Variants in PAX2 observed in about 807,000 individuals in gnomAD.
PAX2 encodes the protein paired box 2.
Under a neutral mutation model 41.7 loss-of-function variants are expected in PAX2, and 9 were observed. The observed-to-expected ratio is 0.22, with a 90% CI of 0.13 to 0.38. PAX2 has a LOEUF of 0.38. Among genes scored for constraint, PAX2 ranks in the 10% least tolerant of loss-of-function variants. The probability of loss-of-function intolerance (pLI) is 1.00; values close to 1 mark genes in which losing one functional copy is unlikely to be tolerated. For missense variants in PAX2, 418 were observed against 531.6 expected (o/e 0.79, Z 2.10); for synonymous variants, 221 against 212.7 (o/e 1.04, Z -0.34).
chr10:100,742,843 C>CTTTTTTTTTTTTTTTT (rs61627823), upstream of PAX2, among the ~76,000 whole-genome samples: 65 of 41,258 alleles, frequency 1.6e-3, 23 homozygotes, highest in Middle Eastern at 0.043. Flanking sequence ...TTCTTTCTTC[C>CTTTTTTTTTTTTTTTT]TTTTTTTTTT....
Position 100,754,295 on chromosome 10 carries a change from A to C in PAX2, c.410+3404A>C, listed in dbSNP as rs537797691. ...TTTGAAAGAACAGGCACAGACCCCA[A>C]ATAGAGTCTGGGGTTACTGACAATC... On this transcript the variant is annotated intron_variant, in intron 3 of 9. Coordinates refer to ENST00000355243, the MANE Select transcript of PAX2 (RefSeq NM_000278.5). Among the ~76,000 whole-genome samples the C allele has an allele frequency of 2.6e-5, 4 of 152,264 alleles. No individual in the cohort carries two copies. The South Asian group carries it at 8.3e-4, about 32-fold the overall frequency.
intron 5 of PAX2, among the ~76,000 whole-genome samples, chr10:100,799,418 T>C (rs1486422335): frequency 1.3e-5 from 2 of 152,242 alleles, no homozygotes; most frequent in East Asian, 3.8e-4. Context: ...GTATCACTTT[T>C]GCAAGCATTC....
chr10:100,790,340 T>C (rs1418882291), intron 5 of PAX2, among the ~76,000 whole-genome samples: 2 of 152,164 alleles, frequency 1.3e-5, no homozygotes, highest in African/African-American at 4.8e-5. Flanking sequence ...CTGGTACTCC[T>C]GCCCAGCTCC....
intron 5 of PAX2, among the ~76,000 whole-genome samples, chr10:100,787,785 GTGT>G (rs753224046): frequency 3.3e-5 from 5 of 152,118 alleles, no homozygotes; most frequent in Non-Finnish European, 7.4e-5. Context: ...GCAAAGTGAG[GTGT>G]TGTTTGAGAA....
intron 7 of PAX2, among the ~76,000 whole-genome samples, chr10:100,813,872 G>A (rs1051713376): frequency 1.7e-4 from 26 of 151,992 alleles, no homozygotes; most frequent in African/African-American, 5.8e-4. Context: ...ACAGGGGGAA[G>A]AAAAAACCCC....
intron 1 of PAX2, chr10:100,749,181 C>T: frequency 1.0e-6 from 1 of 986,362 alleles, no homozygotes. Flanking sequence ...CAATTTAATA[C>T]TTTTTAAAGA....
chr10:100,804,385 T>A (rs1188264673), intron 5 of PAX2, among the ~76,000 whole-genome samples: 1 of 151,786 alleles, frequency 6.6e-6, no homozygotes, highest in Non-Finnish European at 1.5e-5. Context: ...TGCACACACA[T>A]AATGTGTGAA....
At position 100,809,162 on chromosome 10, in the gene PAX2, C is replaced by T. The variant is rs757989097; in HGVS notation, c.845C>T (p.Ser282Leu). 103 of 1,612,914 alleles carry T rather than the reference C, an allele frequency of 6.4e-5. 1 individual carries two copies. In the East Asian group the frequency reaches 1.1e-3, roughly 17 times the overall value. Residue 282 changes from serine to leucine, a missense_variant, in exon 7 of 10, where the codon TCG (serine) becomes TTG (leucine). Physicochemically the swap from Ser to Leu is moderately radical, Grantham distance 145 (BLOSUM62 -2). This residue lies in a region of PAX2 where 310 missense variants were observed against 325.2 expected (regional missense o/e 0.95). Transcript: ENST00000355243. ...ALTPGLDEVK[S>L]SLSASTNPEL... The stretch of plus-strand genomic sequence containing the variant: ...ACCCCTGGGCTTGATGAAGTCAAGT[C>T]GAGTCTATCTGCATCCACCAACCCT...
chr10:100,747,280 G>A (rs1388801160), intron 1 of PAX2: 1 of 152,078 alleles, frequency 6.6e-6, no homozygotes, highest in African/African-American at 2.4e-5. Context: ...CAAAAGGAAA[G>A]CAAATGCCAA....
intron 1 of PAX2, among the ~76,000 whole-genome samples, chr10:100,737,815 C>G (rs563106568): frequency 6.6e-6 from 1 of 152,226 alleles, no homozygotes; most frequent in Non-Finnish European, 1.5e-5. Context: ...GACAGAGGCG[C>G]GTGACCGAAC....
chr10:100,741,390 A>G (rs1459346070), upstream of PAX2, among the ~76,000 whole-genome samples: 5 of 124,796 alleles, frequency 4.0e-5, no homozygotes, highest in Admixed American at 9.3e-5. Context: ...GGTGCTCCAT[A>G]TTGTACCAGA....
At chr10:100,763,050 TG>T (rs1380063630) in intron 3 of PAX2, among the ~76,000 whole-genome samples, 63 of 152,234 alleles carry the variant, frequency 4.1e-4, no homozygotes, top group Admixed American at 3.9e-3. Flanking sequence ...CACCTTCTAA[TG>T]GATCTCCAAG....
chr10:100,786,991 ATCTGGTCTGGACTTT>A (rs1846895090), intron 5 of PAX2: 1 of 1,389,640 alleles, frequency 7.2e-7, no homozygotes, highest in African/African-American at 1.5e-5. Flanking sequence ...GGAGGTTTGC[ATCTGGTCTGGACTTT>A]AAGAGGTATG....
chr10:100,772,683 CA>C (rs1285460859), intron 3 of PAX2, among the ~76,000 whole-genome samples: 3 of 152,206 alleles, frequency 2.0e-5, no homozygotes, highest in Admixed American at 1.3e-4. Context: ...CAGTTTACTC[CA>C]GGACAATTTA....
chr10:100,740,114 T>A (rs1163954012), intron 1 of PAX2, among the ~76,000 whole-genome samples: 1 of 152,192 alleles, frequency 6.6e-6, no homozygotes, highest in Admixed American at 6.5e-5. Flanking sequence ...TAACTGCAGG[T>A]CCTGGGAGAA....
intron 7 of PAX2, among the ~76,000 whole-genome samples, chr10:100,816,862 G>A (rs1589895350): frequency 6.6e-6 from 1 of 152,172 alleles, no homozygotes; most frequent in Non-Finnish European, 1.5e-5. Flanking sequence ...TGCAGGGCTC[G>A]GAGAACAGCC....
chr10:100,799,946 C>T (rs1415945508), intron 5 of PAX2, among the ~76,000 whole-genome samples: 1 of 151,962 alleles, frequency 6.6e-6, no homozygotes, highest in Non-Finnish European at 1.5e-5. Flanking sequence ...CCACTACACC[C>T]AGCTAATTTT....
upstream of PAX2, among the ~76,000 whole-genome samples, chr10:100,741,439 C>A (rs1488733894): frequency 6.9e-6 from 1 of 144,350 alleles, no homozygotes; most frequent in African/African-American, 2.6e-5. Flanking sequence ...AACCATCCTC[C>A]AACGTGACCA....
At chr10:100,777,969 A>G (rs1409993278) in intron 3 of PAX2, among the ~76,000 whole-genome samples, 1 of 152,206 alleles carries the variant, frequency 6.6e-6, no homozygotes, top group Admixed American at 6.5e-5. Flanking sequence ...ATTAACCCAG[A>G]AGGCAGCAGG....
Sources: gnomAD v4.1 joint callset for allele counts (sites outside exome capture counted in the v4.1 genomes callset) on GRCh38, gnomAD v4.1.1 for gene constraint, gnomAD v4.1.1 regional missense constraint, MANE v1.5 for transcripts, NCBI Gene and HGNC (gene_info 2026-07-23, HGNC 2026-07-21) for gene names.